The following HPSE2 variants were observed in gnomAD, a reference collection of about 807,000 sequenced individuals.
HPSE2 encodes the protein inactive heparanase-2.
In HPSE2, 38 loss-of-function variants were observed where a neutral mutation model predicts 60.5. That is an observed-to-expected ratio of 0.63 (90% confidence interval 0.48 to 0.82). HPSE2 has a LOEUF of 0.82. Among genes scored for constraint, HPSE2 ranks in the 40% least tolerant of loss-of-function variants. The pLI is 0.00. For missense variants in HPSE2, 713 were observed against 740.4 expected, an observed-to-expected ratio of 0.96 and a Z score of 0.43; for synonymous variants, 295 against 293.2, an observed-to-expected ratio of 1.01 and a Z score of -0.06.
chr10:99,309,918 G>C, the HPSE2 span, among the ~76,000 whole-genome samples: 1 of 152,196 alleles, frequency 6.6e-6, no homozygotes, highest in Non-Finnish European at 1.5e-5. Context: ...AGCCTTAGTG[G>C]CTTAAAACAA....
intron 3 of HPSE2, among the ~76,000 whole-genome samples, chr10:99,122,850 TA>T (rs1845011637): frequency 6.6e-6 from 1 of 151,976 alleles, no homozygotes; most frequent in Non-Finnish European, 1.5e-5. Flanking sequence ...AGTAAATCTT[TA>T]AAAAGAAAAA....
At chr10:99,147,068 T>C (rs372169835) in intron 2 of HPSE2, among the ~76,000 whole-genome samples, 2 of 152,186 alleles carry the variant, frequency 1.3e-5, no homozygotes, top group African/African-American at 4.8e-5. Flanking sequence ...TTGTAACCTG[T>C]TGTATAATCC....
chr10:98,500,624 G>A (rs922794257), intron 9 of HPSE2, among the ~76,000 whole-genome samples: 2 of 151,978 alleles, frequency 1.3e-5, no homozygotes, highest in Non-Finnish European at 2.9e-5. Context: ...GACTAGAGAA[G>A]CAAGAACAAA....
intron 6 of HPSE2, among the ~76,000 whole-genome samples, chr10:98,654,850 G>A (rs483690): frequency 0.2 from 30,293 of 152,106 alleles, 3,361 homozygotes; most frequent in East Asian, 0.34. Context: ...GGTTTTGGGC[G>A]AGGAGTTGGA....
intron 2 of HPSE2, among the ~76,000 whole-genome samples, chr10:99,163,848 A>G (rs1018549943): frequency 1.3e-5 from 2 of 151,938 alleles, no homozygotes; most frequent in African/African-American, 4.8e-5. Context: ...GGGCTGACAG[A>G]AGTTTCTTTA....
At chr10:99,027,571 G>GA (rs1330919510) in intron 3 of HPSE2, among the ~76,000 whole-genome samples, 1 of 152,008 alleles carries the variant, frequency 6.6e-6, no homozygotes, top group Non-Finnish European at 1.5e-5. Flanking sequence ...AAACTATTCT[G>GA]AAAAATAGGA....
At chr10:98,655,379 A>G (rs758655386) in intron 6 of HPSE2, among the ~76,000 whole-genome samples, 4 of 152,194 alleles carry the variant, frequency 2.6e-5, no homozygotes, top group Non-Finnish European at 5.9e-5. Flanking sequence ...AAATTAGTTC[A>G]TACGAATTCT....
chr10:98,573,783 G>A (rs191978378), intron 9 of HPSE2, among the ~76,000 whole-genome samples: 35 of 152,298 alleles, frequency 2.3e-4, no homozygotes, highest in Admixed American at 1.9e-3. Flanking sequence ...TAAAAACCAC[G>A]AGCACTATCA....
At chr10:98,937,858 C>T (rs1954855020) in intron 3 of HPSE2, among the ~76,000 whole-genome samples, 1 of 143,180 alleles carries the variant, frequency 7.0e-6, no homozygotes, top group Non-Finnish European at 1.5e-5. Context: ...CAGACTGACA[C>T]CTCACATGGC....
At chr10:98,650,926 C>T (rs1203418579) in intron 6 of HPSE2, among the ~76,000 whole-genome samples, 1 of 152,178 alleles carries the variant, frequency 6.6e-6, no homozygotes, top group Non-Finnish European at 1.5e-5. Flanking sequence ...AACTTGCATG[C>T]ATCACAAAAG....
intron 3 of HPSE2, among the ~76,000 whole-genome samples, chr10:99,114,525 C>A (rs1046708087): frequency 6.6e-6 from 1 of 152,146 alleles, no homozygotes; most frequent in African/African-American, 2.4e-5. Flanking sequence ...ACAAAGACTT[C>A]TACAAACATG....
chr10:98,741,117 T>C (rs1234701201), intron 4 of HPSE2, among the ~76,000 whole-genome samples: 4 of 152,272 alleles, frequency 2.6e-5, no homozygotes, highest in African/African-American at 9.6e-5. Flanking sequence ...TCATTTATTA[T>C]GGTTACAGAA....
chr10:98,482,436 A>T (rs1474231242), intron 11 of HPSE2, among the ~76,000 whole-genome samples, 200 bp downstream of exon 11: 1 of 152,172 alleles, frequency 6.6e-6, no homozygotes, highest in Non-Finnish European at 1.5e-5. Context: ...TTGACTTTAC[A>T]ACTGGGGAAT....
At chr10:99,020,363 G>A (rs953697932) in intron 3 of HPSE2, among the ~76,000 whole-genome samples, 15 of 152,118 alleles carry the variant, frequency 9.9e-5, no homozygotes, top group African/African-American at 3.6e-4. Flanking sequence ...TGAGTAAACA[G>A]ACATAGAAAG....
Position 98,567,641 on chromosome 10 carries a change from A to T in HPSE2, c.1320+47263T>A, listed in dbSNP as rs556561066. Among the ~76,000 whole-genome samples the T allele has an allele frequency of 1.7e-3, 253 of 152,274 alleles. 1 individual carries two copies. The highest frequency in any genetic ancestry group is 5.9e-3 in the African/African-American group (246 of 41,542). On this transcript the variant is annotated intron_variant, in intron 9 of 11. Coordinates refer to ENST00000370552, the MANE Select transcript of HPSE2 (RefSeq NM_021828.5). The stretch of plus-strand genomic sequence containing the variant: ...TCATCACCTCCAGCTGACAGACCAC[A>T]GGCAAAGGAGGCAACAGGGAAAAGT...
chr10:98,900,671 T>C (rs1953641208), intron 3 of HPSE2, among the ~76,000 whole-genome samples: 1 of 152,218 alleles, frequency 6.6e-6, no homozygotes, highest in South Asian at 2.1e-4. Context: ...CTGTACATGT[T>C]CGTCAAAGTA....
chr10:99,031,021 A>C (rs929639809), intron 3 of HPSE2, among the ~76,000 whole-genome samples: 1 of 152,158 alleles, frequency 6.6e-6, no homozygotes, highest in Non-Finnish European at 1.5e-5. Context: ...AAGAAGGAGG[A>C]AATGGTTAAT....
chr10:98,989,153 T>C (rs1956455253), intron 3 of HPSE2, among the ~76,000 whole-genome samples: 2 of 151,944 alleles, frequency 1.3e-5, no homozygotes, highest in South Asian at 2.1e-4. Context: ...TGGGTATATA[T>C]CCAAAGGATT....
chr10:99,003,930 AT>A (rs1956833358), intron 3 of HPSE2, among the ~76,000 whole-genome samples: 1 of 152,070 alleles, frequency 6.6e-6, no homozygotes, highest in Admixed American at 6.6e-5. Flanking sequence ...CAGATTCTAA[AT>A]TTAAGTCTTT....
Sources: allele counts gnomAD v4.1 joint callset (sites outside exome capture counted in the v4.1 genomes callset), GRCh38; gene constraint gnomAD v4.1.1; transcripts MANE v1.5; gene names NCBI Gene and HGNC (gene_info 2026-07-23, HGNC 2026-07-21).